TMEM106B: variants seen among roughly 807,000 people sequenced by gnomAD.
The protein encoded by TMEM106B is transmembrane protein 106B.
In TMEM106B, 15 loss-of-function variants were observed where a neutral mutation model predicts 31.1. The observed-to-expected ratio is 0.48, with a 90% CI of 0.32 to 0.74. TMEM106B has a LOEUF of 0.74. TMEM106B is among the 30% of genes least tolerant of loss of function. The pLI, the probability that TMEM106B is intolerant of heterozygous loss-of-function variation, is 0.03. For synonymous variants in TMEM106B, 126 were observed against 112.5 expected (o/e 1.12, Z -0.76); for missense variants, 283 against 327.3 (o/e 0.86, Z 1.04).
chr7:12,226,420 C>G (rs185089722), intron 4 of TMEM106B, among the ~76,000 whole-genome samples: 280 of 152,274 alleles, frequency 1.8e-3, no homozygotes, highest in South Asian at 0.011. Context: ...AGGTTTTCTA[C>G]CTGTTTTACA....
chr7:12,243,059 G>A lies in TMEM106B; in HGVS notation c.*11084G>A, dbSNP rs1782260937. On this transcript the variant is annotated 3_prime_UTR_variant, in exon 8 of 8. Transcript: ENST00000396668. ...CGTATAACATCATTAGATTTTTACA[G>A]AATCTTTAAAAAAGCTTTAATATTT... 6.6e-6 allele frequency: 1 copy of A among 151,962 alleles called. No individual in the cohort carries two copies. Among genetic ancestry groups the A allele is most frequent in the Admixed American group, 6.6e-5 (1 of 15,248 alleles). 9.4% of individuals were successfully genotyped at this position (151,962 alleles called of 1,614,324 possible).
Position 12,215,042 on chromosome 7 carries a change from ATTG to A in TMEM106B, c.217+18_217+20del, listed in dbSNP as rs1781660190. On this transcript the variant is annotated intron_variant, in intron 2 of 7. Transcript: ENST00000396668. Reference sequence around the variant, plus strand: ...AATTCCTAGGGGTATGTGTTATTGTATTGTTTTCCCTTTAAATGATTTTAGGTA... The same window carrying A: ...AATTCCTAGGGGTATGTGTTATTGTATTTTCCCTTTAAATGATTTTAGGTA... 1 of 1,596,928 alleles carries A rather than the reference ATTG, an allele frequency of 6.3e-7. No individual in the cohort carries two copies. The highest frequency in any genetic ancestry group is 1.1e-5 in the South Asian group (1 of 88,522).
chr7:12,224,424 C>T, intron 4 of TMEM106B, 39 bp downstream of exon 4: 2 of 1,543,020 alleles, frequency 1.3e-6, no homozygotes, highest in Non-Finnish European at 1.8e-6. Flanking sequence ...TAACTTCATT[C>T]TTTTATCCTA....
At position 12,238,350 on chromosome 7, in the gene TMEM106B, G is replaced by C. The variant is rs1305642203; in HGVS notation, c.*6375G>C. ...TCCATTGCTAAATTTTAGTTCTCTTGCTATTTCCACATCTGCTGTGACTTC... is the reference window on the plus strand; with the variant it reads ...TCCATTGCTAAATTTTAGTTCTCTTCCTATTTCCACATCTGCTGTGACTTC... On this transcript the variant is annotated 3_prime_UTR_variant, in exon 8 of 8. Transcript: ENST00000396668. 6.6e-6 allele frequency: 1 copy of C among 152,246 alleles called. No homozygotes were observed. Among genetic ancestry groups the C allele is most frequent in the Non-Finnish European group, 1.5e-5 (1 of 68,112 alleles). 9.4% of individuals were successfully genotyped at this position (152,246 alleles called of 1,614,324 possible). A position where few individuals can be genotyped will look rare whatever the true frequency, so the allele number is the denominator to read the frequency against.
rs1014945897 is a variant in TMEM106B at position 12,214,886 on chromosome 7, A to G, written c.76A>G (p.Met26Val). 14 of 1,614,098 alleles carry G rather than the reference A, an allele frequency of 8.7e-6. No individual in the cohort carries two copies. Among genetic ancestry groups the G allele is most frequent in the East Asian group, 2.2e-5 (1 of 44,862 alleles). ...DAYDGVTSEN[M>V]RNGLVNSEVH... The stretch of plus-strand genomic sequence containing the variant: ...TTATGATGGAGTCACATCTGAAAAC[A>G]TGAGGAATGGACTGGTTAATAGTGA... The change falls in exon 2 of 8, where the codon ATG becomes GTG. Residue 26 changes from methionine to valine, a missense_variant. This residue lies in a region of TMEM106B where 77 missense variants were observed against 89.4 expected (regional missense o/e 0.86). Coordinates refer to ENST00000396668, the MANE Select transcript of TMEM106B (RefSeq NM_001134232.2).
At position 12,243,098 on chromosome 7, in the gene TMEM106B, T is replaced by C. The variant is rs1782261641; in HGVS notation, c.*11123T>C. On this transcript the variant is annotated 3_prime_UTR_variant, in exon 8 of 8. Transcript: ENST00000396668. ...GCTTTAATATTTTCAAGGTTTTTTA[T>C]TTATATAAATATTGTTACTTTACCA... 1.3e-5 allele frequency: 2 copies of C among 152,072 alleles called. 1 individual carries two copies. The highest frequency in any genetic ancestry group is 4.1e-4 in the South Asian group (2 of 4,828). The allele number at this position is 152,072 out of a possible 1,614,324, so 9.4% of individuals were successfully genotyped here. A position where few individuals can be genotyped will look rare whatever the true frequency, so the allele number is the denominator to read the frequency against.
At position 12,241,705 on chromosome 7, in the gene TMEM106B, T is replaced by C. The variant is rs1326242590; in HGVS notation, c.*9730T>C. 6.6e-6 allele frequency: 1 copy of C among 152,230 alleles called. No individual in the cohort carries two copies. Among genetic ancestry groups the C allele is most frequent in the Non-Finnish European group, 1.5e-5 (1 of 68,042 alleles). 9.4% of individuals were successfully genotyped at this position (152,230 alleles called of 1,614,324 possible). On this transcript the variant is annotated 3_prime_UTR_variant, in exon 8 of 8. Coordinates refer to ENST00000396668, the MANE Select transcript of TMEM106B (RefSeq NM_001134232.2). ...TTTACTATTGTGAACAGTGCTGCAA[T>C]AAACATATGTGTGTATGTGTCTTTA...
At chr7:12,228,381 A>G (rs2128526943) in intron 4 of TMEM106B, among the ~76,000 whole-genome samples, 1 of 151,992 alleles carries the variant, frequency 6.6e-6, no homozygotes, top group African/African-American at 2.4e-5. Flanking sequence ...AAAAAATATT[A>G]TTTAGTACTT....
chr7:12,227,994 A>G (rs919480006), intron 4 of TMEM106B, among the ~76,000 whole-genome samples: 7 of 151,946 alleles, frequency 4.6e-5, no homozygotes, highest in East Asian at 1.9e-4. Context: ...AGATTCTTCT[A>G]AATTTCAATC....
intron 3 of TMEM106B, 112 bp downstream of exon 3, chr7:12,218,633 C>A (rs190195222): frequency 1.2e-6 from 1 of 830,440 alleles, no homozygotes; most frequent in Admixed American, 2.8e-5. Context: ...AATGCTGTCA[C>A]GTAGTTAAAT....
At chr7:12,212,291 T>C (rs572633748) in intron 1 of TMEM106B, among the ~76,000 whole-genome samples, 26 of 152,262 alleles carry the variant, frequency 1.7e-4, no homozygotes, top group African/African-American at 6.0e-4. Context: ...AAGAGTGCCC[T>C]TAAGGCCTTG....
chr7:12,215,145 ACAT>A (rs1781661598), intron 2 of TMEM106B, 118 bp downstream of exon 2: 1 of 747,044 alleles, frequency 1.3e-6, no homozygotes, highest in Non-Finnish European at 2.1e-6. Context: ...TAAAGTTGAA[ACAT>A]CATATCAGTT....
In TMEM106B at chr7:12,234,641, C is replaced by G. The variant is rs1782093978; in HGVS notation, c.*2666C>G. The G allele has an allele frequency of 6.6e-6, 1 of 151,812 alleles. No homozygotes were observed. Among genetic ancestry groups the G allele is most frequent in the Admixed American group, 6.6e-5 (1 of 15,226 alleles). 9.4% of individuals were successfully genotyped at this position (151,812 alleles called of 1,614,324 possible). A position where few individuals can be genotyped will look rare whatever the true frequency, so the allele number is the denominator to read the frequency against. On this transcript the variant is annotated 3_prime_UTR_variant, in exon 8 of 8. Transcript: ENST00000396668. The stretch of plus-strand genomic sequence containing the variant: ...TACGCTTTTCTAAACTGCTCTCAGA[C>G]CTTATCCAGAGGACATGGTAAAGAT...
At chr7:12,228,224 C>G (rs1160356302) in intron 4 of TMEM106B, among the ~76,000 whole-genome samples, 1 of 151,812 alleles carries the variant, frequency 6.6e-6, no homozygotes, top group Non-Finnish European at 1.5e-5. Flanking sequence ...ATTGCTGACT[C>G]TAGCATATTC....
chr7:12,211,636 T>G (rs4721056), intron 1 of TMEM106B: 90,996 of 152,306 alleles, frequency 0.6, 27,680 homozygotes, highest in African/African-American at 0.72. Context: ...GCCCAAGCCC[T>G]ACCTCTGGGT....
At position 12,241,653 on chromosome 7, in the gene TMEM106B, G is replaced by A. The variant is rs1782238943; in HGVS notation, c.*9678G>A. ...CATTTTCTTTATCCAGTCTATCATT[G>A]ATGGACATTTGGGTTGGTTCCAAGT... On this transcript the variant is annotated 3_prime_UTR_variant, in exon 8 of 8. Coordinates refer to ENST00000396668, the MANE Select transcript of TMEM106B (RefSeq NM_001134232.2). 6.6e-6 allele frequency: 1 copy of A among 152,120 alleles called. No individual in the cohort carries two copies. Among genetic ancestry groups the A allele is most frequent in the African/African-American group, 2.4e-5 (1 of 41,392 alleles). The allele number at this position is 152,120 out of a possible 1,614,324, so 9.4% of individuals were successfully genotyped here.
At chr7:12,230,359 CTCTAT>C (rs765634930) in intron 5 of TMEM106B, 25 bp from the exon 6 acceptor site, 1 of 1,521,690 alleles carries the variant, frequency 6.6e-7, no homozygotes, top group South Asian at 1.1e-5. Context: ...TGATCTTGTT[CTCTAT>C]CGAATTTCTC....
At chr7:12,212,320 C>A (rs1781597040) in intron 1 of TMEM106B, among the ~76,000 whole-genome samples, 1 of 152,086 alleles carries the variant, frequency 6.6e-6, no homozygotes, top group South Asian at 2.1e-4. Flanking sequence ...GCCCAATGAT[C>A]CCAATTCATC....
In TMEM106B at chr7:12,217,575, G is replaced by C. The variant is rs770380755; in HGVS notation, c.218-883G>C. Among the ~76,000 whole-genome samples, 35 of 152,176 alleles carry C rather than the reference G, an allele frequency of 2.3e-4. 1 individual carries two copies. Among genetic ancestry groups the C allele is most frequent in the Non-Finnish European group, 1.5e-5 (1 of 68,038 alleles). On this transcript the variant is annotated intron_variant, in intron 2 of 7. Coordinates refer to ENST00000396668, the MANE Select transcript of TMEM106B (RefSeq NM_001134232.2). ...TATATGCATAGGAGCCAGAGGGTTG[G>C]TTTTAACCAGGGTTGTAGTTTTAGC...
Sources: allele counts gnomAD v4.1 joint callset (sites outside exome capture counted in the v4.1 genomes callset), GRCh38; gene constraint gnomAD v4.1.1; regional missense constraint gnomAD v4.1.1; transcripts MANE v1.5; gene names NCBI Gene and HGNC (gene_info 2026-07-23, HGNC 2026-07-21).